TMEM232: variants seen among roughly 807,000 people sequenced by gnomAD.
TMEM232 encodes transmembrane protein 232.
TMEM232 carries 80 observed loss-of-function variants against 78.8 expected under a neutral mutation model. The ratio of observed to expected loss-of-function variants is 1.01; its 90% CI spans 0.85 to 1.22. The LOEUF (loss-of-function observed/expected upper bound fraction) is 1.22, where lower values mean the gene tolerates loss of function less well. Among genes scored for constraint, TMEM232 ranks in the 50% most tolerant of loss-of-function variants. The probability of loss-of-function intolerance (pLI) is 0.00; values close to 1 mark genes in which losing one functional copy is unlikely to be tolerated. For missense variants in TMEM232, 881 were observed against 742.2 expected, an observed-to-expected ratio of 1.19 and a Z score of -2.17; for synonymous variants, 297 against 254.3, an observed-to-expected ratio of 1.17 and a Z score of -1.60.
intron 12 of TMEM232, among the ~76,000 whole-genome samples, chr5:110,431,451 G>A (rs190063281): frequency 6.6e-6 from 1 of 151,622 alleles, no homozygotes; most frequent in Non-Finnish European, 1.5e-5. Context: ...CATCAATCAA[G>A]ATGCATAGCA....
At chr5:110,533,565 C>T (rs1026062799) in intron 11 of TMEM232, among the ~76,000 whole-genome samples, 5 of 152,176 alleles carry the variant, frequency 3.3e-5, no homozygotes, top group African/African-American at 1.2e-4. Flanking sequence ...CTCATAACTT[C>T]CAAAATCTGT....
chr5:110,497,125 C>T (rs565004999), intron 12 of TMEM232, among the ~76,000 whole-genome samples: 1 of 152,052 alleles, frequency 6.6e-6, no homozygotes, highest in South Asian at 2.1e-4. Flanking sequence ...ACGTTCCATA[C>T]TTTCACGTTC....
chr5:110,472,282 C>A (rs1762771022), intron 12 of TMEM232, among the ~76,000 whole-genome samples: 1 of 151,808 alleles, frequency 6.6e-6, no homozygotes, highest in African/African-American at 2.4e-5. Context: ...TAAAAGCAAA[C>A]AACTCCATTC....
chr5:110,579,416 C>T (rs1358260768), intron 10 of TMEM232, among the ~76,000 whole-genome samples: 1 of 151,240 alleles, frequency 6.6e-6, no homozygotes, highest in African/African-American at 2.4e-5. Flanking sequence ...ATATAAAACT[C>T]ATTGGTAAAG....
At chr5:110,665,559 C>G (rs1790452950) in intron 2 of TMEM232, among the ~76,000 whole-genome samples, 2 of 152,032 alleles carry the variant, frequency 1.3e-5, no homozygotes, top group African/African-American at 4.8e-5. Flanking sequence ...CACCAGACAC[C>G]TATCAAACAA....
At chr5:110,682,520 C>G (rs908382180) in intron 1 of TMEM232, among the ~76,000 whole-genome samples, 1 of 152,072 alleles carries the variant, frequency 6.6e-6, no homozygotes, top group African/African-American at 2.4e-5. Flanking sequence ...TTCTTTACCA[C>G]TTCCCAGGGG....
intron 3 of TMEM232, among the ~76,000 whole-genome samples, chr5:110,396,482 T>C (rs1755392093): frequency 6.6e-6 from 1 of 152,194 alleles, no homozygotes. Context: ...TATACACATT[T>C]ATACAGTGAT....
chr5:110,449,982 C>G (rs979728328), intron 12 of TMEM232, among the ~76,000 whole-genome samples: 1 of 152,052 alleles, frequency 6.6e-6, no homozygotes, highest in South Asian at 2.1e-4. Flanking sequence ...GGGTGAGGGA[C>G]GTGGAGGGAG....
At chr5:110,661,243 C>A (rs567436425) in intron 2 of TMEM232, among the ~76,000 whole-genome samples, 1 of 152,238 alleles carries the variant, frequency 6.6e-6, no homozygotes, top group Non-Finnish European at 1.5e-5. Context: ...TGCATGGACA[C>A]TTAGATTGAT....
At chr5:110,424,341 T>C (rs1229870814) in intron 13 of TMEM232, among the ~76,000 whole-genome samples, 3 of 152,158 alleles carry the variant, frequency 2.0e-5, no homozygotes, top group African/African-American at 4.8e-5. Context: ...GGTTAAGAAA[T>C]TATCAACAAA....
At chr5:110,608,082 T>C (rs1375051386) in intron 8 of TMEM232, among the ~76,000 whole-genome samples, 1 of 151,960 alleles carries the variant, frequency 6.6e-6, no homozygotes, top group South Asian at 2.1e-4. Flanking sequence ...ATGATGCTTA[T>C]GAACATGAAC....
At chr5:110,556,048 G>A (rs1044258249) in intron 11 of TMEM232, among the ~76,000 whole-genome samples, 1 of 152,178 alleles carries the variant, frequency 6.6e-6, no homozygotes, top group Admixed American at 6.5e-5. Context: ...TTGTTCTGTA[G>A]TCTTGATAGT....
intron 12 of TMEM232, among the ~76,000 whole-genome samples, chr5:110,434,025 G>C (rs560869814): frequency 6.6e-6 from 1 of 151,558 alleles, no homozygotes; most frequent in African/African-American, 2.4e-5. Flanking sequence ...TTTCCTCCTT[G>C]ATTTTTTGGA....
intron 11 of TMEM232, among the ~76,000 whole-genome samples, chr5:110,542,069 G>A (rs986212531): frequency 6.6e-6 from 1 of 152,130 alleles, no homozygotes; most frequent in East Asian, 1.9e-4. Flanking sequence ...TCATGTCTGC[G>A]ATACCTGAAG....
chr5:110,545,991 T>C (rs1156332433), intron 11 of TMEM232, among the ~76,000 whole-genome samples: 1 of 152,162 alleles, frequency 6.6e-6, no homozygotes, highest in African/African-American at 2.4e-5. Flanking sequence ...TGTGAGTATA[T>C]GACAGTTTTT....
intron 12 of TMEM232, among the ~76,000 whole-genome samples, chr5:110,508,993 T>C (rs1165970702): frequency 8.0e-6 from 1 of 125,112 alleles, no homozygotes; most frequent in Non-Finnish European, 1.5e-5. Context: ...TATATGTGTA[T>C]ATATGTATAT....
downstream of TMEM232, among the ~76,000 whole-genome samples, chr5:110,414,686 T>C (rs1011321477): frequency 6.6e-6 from 1 of 152,212 alleles, no homozygotes; most frequent in Admixed American, 6.5e-5. Flanking sequence ...ATTAATTTGC[T>C]TTCTTTAGGA....
intron 11 of TMEM232, among the ~76,000 whole-genome samples, chr5:110,540,306 G>A (rs1226553748): frequency 6.6e-6 from 1 of 152,164 alleles, no homozygotes; most frequent in East Asian, 1.9e-4. Flanking sequence ...TTAGTGGAAG[G>A]AGCCACTGAA....
intron 11 of TMEM232, among the ~76,000 whole-genome samples, chr5:110,567,826 G>A (rs1581240348): frequency 6.6e-6 from 1 of 151,906 alleles, no homozygotes; most frequent in Non-Finnish European, 1.5e-5. Context: ...AGACAAGGGA[G>A]GAAATGCTCA....
Sources: allele counts gnomAD v4.1 joint callset (sites outside exome capture counted in the v4.1 genomes callset), GRCh38; gene constraint gnomAD v4.1.1; transcripts MANE v1.5; gene names NCBI Gene and HGNC (gene_info 2026-07-23, HGNC 2026-07-21).